Variants in CCDC3 observed in about 807,000 individuals in gnomAD.
CCDC3 encodes coiled-coil domain containing 3.
Under a neutral mutation model 21.4 loss-of-function variants are expected in CCDC3, and 24 were observed. The observed-to-expected ratio is 1.12, with a 90% CI of 0.81 to 1.58. CCDC3 has a LOEUF of 1.58. Among genes scored for constraint, CCDC3 ranks in the 40% most tolerant of loss-of-function variants. The pLI, the probability that CCDC3 is intolerant of heterozygous loss-of-function variation, is 0.00. For synonymous variants in CCDC3, 186 were observed against 166.0 expected (o/e 1.12, Z -0.93); for missense variants, 425 against 360.9 (o/e 1.18, Z -1.44).
At chr10:13,016,349 A>C (rs532213712) in intron 5 of CCDC3, among the ~76,000 whole-genome samples, 1 of 151,926 alleles carries the variant, frequency 6.6e-6, no homozygotes, top group African/African-American at 2.4e-5. Flanking sequence ...AAAAAAAAAA[A>C]AAACACAACT....
At chr10:13,012,637 A>G (rs946908350) in intron 5 of CCDC3, among the ~76,000 whole-genome samples, 2 of 152,054 alleles carry the variant, frequency 1.3e-5, no homozygotes, top group African/African-American at 4.8e-5. Context: ...AAGAAAAAAA[A>G]GAAAACTGTT....
intron 2 of CCDC3, among the ~76,000 whole-genome samples, chr10:12,971,095 C>T (rs1037013190): frequency 1.3e-5 from 2 of 152,088 alleles, no homozygotes; most frequent in East Asian, 1.9e-4. Context: ...AGCCTTATAC[C>T]GTTAATGTGA....
intron 2 of CCDC3, among the ~76,000 whole-genome samples, chr10:12,900,229 A>C (rs1484909300): frequency 3.9e-5 from 6 of 152,210 alleles, no homozygotes; most frequent in Admixed American, 2.6e-4. Context: ...GGATTAATAC[A>C]GTAATAAGGC....
At chr10:13,000,973 T>G (rs1377555756) in intron 1 of CCDC3, among the ~76,000 whole-genome samples, 1 of 152,210 alleles carries the variant, frequency 6.6e-6, no homozygotes, top group Non-Finnish European at 1.5e-5. Flanking sequence ...CACAGAAACC[T>G]TCCCTGTCTT....
At chr10:12,909,896 G>A (rs1005778143) in intron 2 of CCDC3, among the ~76,000 whole-genome samples, 12 of 152,324 alleles carry the variant, frequency 7.9e-5, no homozygotes, top group African/African-American at 2.2e-4. Context: ...ACTGAAAAAG[G>A]CAGTGAAAGG....
chr10:12,939,203 T>C (rs1178272752), intron 2 of CCDC3, among the ~76,000 whole-genome samples: 1 of 152,258 alleles, frequency 6.6e-6, no homozygotes, highest in Non-Finnish European at 1.5e-5. Flanking sequence ...AAATCTAGTG[T>C]TTCCAGGCCA....
intron 4 of CCDC3, among the ~76,000 whole-genome samples, chr10:13,062,248 T>A (rs1033457659): frequency 2.0e-5 from 3 of 152,302 alleles, no homozygotes; most frequent in Non-Finnish European, 2.9e-5. Flanking sequence ...ATAATTGTGC[T>A]TCTCCTGAAC....
chr10:12,953,068 C>G (rs772112837), intron 2 of CCDC3, among the ~76,000 whole-genome samples: 1 of 147,910 alleles, frequency 6.8e-6, no homozygotes. Context: ...AAGACGTACC[C>G]GAGACTGGGT....
intron 2 of CCDC3, among the ~76,000 whole-genome samples, chr10:12,927,612 A>G (rs955546818): frequency 2.6e-5 from 4 of 152,212 alleles, no homozygotes; most frequent in African/African-American, 9.7e-5. Context: ...TTGACTAAAC[A>G]TCTCTTCTAG....
chr10:13,010,998 G>A (rs534538759), intron 5 of CCDC3, among the ~76,000 whole-genome samples: 197 of 152,216 alleles, frequency 1.3e-3, no homozygotes, highest in Middle Eastern at 3.4e-3. Flanking sequence ...TGGCCAACAT[G>A]GTGAAACCCC....
At chr10:12,995,101 G>A (rs1835741149) in intron 2 of CCDC3, among the ~76,000 whole-genome samples, 2 of 141,992 alleles carry the variant, frequency 1.4e-5, no homozygotes, top group African/African-American at 2.6e-5. Context: ...AAAAAAAAAA[G>A]AAGCAAGTAG....
intron 2 of CCDC3, among the ~76,000 whole-genome samples, chr10:12,951,736 C>T (rs184158429): frequency 2.4e-5 from 3 of 123,180 alleles, no homozygotes; most frequent in African/African-American, 9.1e-5. Flanking sequence ...ACCTGGGAGG[C>T]GGAGGTTGCA....
chr10:12,898,728 G>A (rs1834049236), intron 2 of CCDC3, 49 bp from the exon 3 acceptor site: 1 of 1,595,394 alleles, frequency 6.3e-7, no homozygotes, highest in Non-Finnish European at 8.6e-7. Context: ...CCCAGAAACT[G>A]CGCTGCGGCC....
intron 4 of CCDC3, among the ~76,000 whole-genome samples, chr10:13,073,512 T>C (rs2131441578): frequency 6.9e-6 from 1 of 145,776 alleles, no homozygotes; most frequent in Non-Finnish European, 1.5e-5. Flanking sequence ...ATGAAGACTT[T>C]TTTTTTTGAG....
rs530972079 is a variant in CCDC3, at chr10:12,986,331, A to G, written c.549+12007T>C. Among the ~76,000 whole-genome samples, 3 of 152,318 alleles carry G rather than the reference A, an allele frequency of 2.0e-5. No homozygotes were observed. The South Asian group carries it at 6.2e-4, about 32-fold the overall frequency. On this transcript the variant is annotated intron_variant, in intron 2 of 2. Transcript: ENST00000378825. Reference sequence around the variant, plus strand: ...AAACTCTGCAGATTTCATCAGTGTCATTGCCTGGTTTTGATATTGCACTAC... The same window carrying G: ...AAACTCTGCAGATTTCATCAGTGTCGTTGCCTGGTTTTGATATTGCACTAC...
chr10:12,925,185 A>C (rs17501784), intron 2 of CCDC3, among the ~76,000 whole-genome samples: 8,528 of 152,268 alleles, frequency 0.056, 256 homozygotes, highest in Non-Finnish European at 0.072. Context: ...ACTGGCTGGC[A>C]TCCCTCAGGA....
chr10:12,912,534 GT>G (rs1231157920), intron 2 of CCDC3, among the ~76,000 whole-genome samples: 1 of 152,090 alleles, frequency 6.6e-6, no homozygotes, highest in Non-Finnish European at 1.5e-5. Flanking sequence ...GATGTGTGGT[GT>G]GTAAATATTT....
At chr10:12,935,824 C>G (rs35713318) in intron 2 of CCDC3, among the ~76,000 whole-genome samples, 1 of 152,060 alleles carries the variant, frequency 6.6e-6, no homozygotes, top group Non-Finnish European at 1.5e-5. Context: ...AGCCAGTGCG[C>G]CCGGCCAACC....
chr10:12,901,340 C>T (rs193188587), intron 2 of CCDC3, among the ~76,000 whole-genome samples: 1 of 152,264 alleles, frequency 6.6e-6, no homozygotes, highest in Admixed American at 6.5e-5. Context: ...GTGATCTTGG[C>T]TCACTGCAAT....
Sources: allele counts gnomAD v4.1 joint callset (sites outside exome capture counted in the v4.1 genomes callset), GRCh38; gene constraint gnomAD v4.1.1; transcripts MANE v1.5; gene names NCBI Gene and HGNC (gene_info 2026-07-23, HGNC 2026-07-21).